The following UNC5D variants were observed in gnomAD, a reference collection of about 807,000 sequenced individuals.
UNC5D encodes netrin receptor UNC5D.
A neutral mutation model predicts 105.4 loss-of-function variants in UNC5D; 39 were observed. That is an observed-to-expected ratio of 0.37 (90% CI 0.29 to 0.48). UNC5D has a LOEUF of 0.48. Ranked by LOEUF, UNC5D falls within the 20% of genes least tolerant of loss-of-function variation. The pLI is 0.98. For synonymous variants in UNC5D, 452 were observed against 450.4 expected, an observed-to-expected ratio of 1.00 and a Z score of -0.04; for missense variants, 991 against 1,202.4, an observed-to-expected ratio of 0.82 and a Z score of 2.60.
At chr8:35,392,656 A>G (rs1585736626) in intron 1 of UNC5D, among the ~76,000 whole-genome samples, 1 of 152,172 alleles carries the variant, frequency 6.6e-6, no homozygotes, top group East Asian at 1.9e-4. Flanking sequence ...TACCCATTAC[A>G]AAGTCACATC....
chr8:35,617,433 C>T (rs550130719), intron 4 of UNC5D, among the ~76,000 whole-genome samples: 1 of 152,280 alleles, frequency 6.6e-6, no homozygotes, highest in African/African-American at 2.4e-5. Context: ...GCTGATCTTA[C>T]TGCAGTTGAG....
chr8:35,239,918 TTTTTCTC>T (rs970169843), intron 1 of UNC5D, among the ~76,000 whole-genome samples: 1 of 151,824 alleles, frequency 6.6e-6, no homozygotes, highest in African/African-American at 2.4e-5. Flanking sequence ...TCCTTTTTCC[TTTTTCTC>T]TTTTCTCTTT....
chr8:35,440,716 G>A (rs1442600775), intron 1 of UNC5D, among the ~76,000 whole-genome samples: 1 of 151,924 alleles, frequency 6.6e-6, no homozygotes, highest in African/African-American at 2.4e-5. Context: ...GAAGCGCTGT[G>A]CAAATGTGAG....
intron 16 of UNC5D, among the ~76,000 whole-genome samples, chr8:35,780,667 G>A (rs1802463592): frequency 6.6e-6 from 1 of 152,228 alleles, no homozygotes; most frequent in South Asian, 2.1e-4. Flanking sequence ...GTTACTTGGT[G>A]ACTGTGGGCT....
chr8:35,793,324 T>A lies in UNC5D; in HGVS notation c.*2761T>A, dbSNP rs1803128183. The A allele has an allele frequency of 3.2e-6, 1 of 310,716 alleles. No homozygotes were observed. Among genetic ancestry groups the A allele is most frequent in the African/African-American group, 2.2e-5 (1 of 45,200 alleles). The allele number at this position is 310,716 out of a possible 1,614,324, so 19.2% of individuals were successfully genotyped here. ...AAGTGAGCTTACACTTGAACTTAGT[T>A]ATTCACTGTGACCTAAATTTAGTCC... On this transcript the variant is annotated 3_prime_UTR_variant, in exon 17 of 17. Coordinates refer to ENST00000404895, the MANE Select transcript of UNC5D (RefSeq NM_080872.4).
At chr8:35,254,503 A>G (rs1048318239) in intron 1 of UNC5D, 2 of 152,208 alleles carry the variant, frequency 1.3e-5, no homozygotes, top group African/African-American at 4.8e-5. Context: ...TTGAAGAGAC[A>G]CATATATGGT....
intron 1 of UNC5D, among the ~76,000 whole-genome samples, chr8:35,415,073 G>A (rs749096015): frequency 2.6e-5 from 4 of 151,974 alleles, no homozygotes; most frequent in Non-Finnish European, 5.9e-5. Flanking sequence ...AGGCAGGTTG[G>A]GTGCCTACAT....
chr8:35,305,583 T>TTC (rs1554505727), intron 1 of UNC5D, among the ~76,000 whole-genome samples: 4 of 81,508 alleles, frequency 4.9e-5, no homozygotes, highest in South Asian at 3.7e-4. Flanking sequence ...TTCTTTTTCT[T>TTC]TCTTTCTTTC....
intron 13 of UNC5D, among the ~76,000 whole-genome samples, chr8:35,754,789 G>A (rs571466693): frequency 1.3e-5 from 2 of 152,082 alleles, no homozygotes; most frequent in African/African-American, 4.8e-5. Context: ...AGTAATACTA[G>A]CAATTTCCTT....
chr8:35,731,236 T>C, intron 11 of UNC5D, 140 bp downstream of exon 11: 1 of 701,664 alleles, frequency 1.4e-6, no homozygotes, highest in Non-Finnish European at 2.3e-6. Flanking sequence ...CTGTCTCTAC[T>C]AAAAATACAA....
chr8:35,638,074 C>T (rs1822489272), intron 4 of UNC5D, among the ~76,000 whole-genome samples: 1 of 152,096 alleles, frequency 6.6e-6, no homozygotes, highest in African/African-American at 2.4e-5. Context: ...ATTTCAAGAG[C>T]CAATTAGAGA....
At chr8:35,625,598 C>T (rs550420186) in intron 4 of UNC5D, among the ~76,000 whole-genome samples, 5 of 152,202 alleles carry the variant, frequency 3.3e-5, no homozygotes, top group South Asian at 4.1e-4. Context: ...CAATGTGCTG[C>T]TTGCTGAAGA....
chr8:35,342,269 G>A (rs1239258938), intron 1 of UNC5D, among the ~76,000 whole-genome samples: 1 of 152,092 alleles, frequency 6.6e-6, no homozygotes, highest in Admixed American at 6.6e-5. Flanking sequence ...GACCAAAAGA[G>A]AGAAGAATGC....
intron 1 of UNC5D, among the ~76,000 whole-genome samples, chr8:35,386,313 C>T (rs1433991184): frequency 6.6e-6 from 1 of 152,094 alleles, no homozygotes; most frequent in Non-Finnish European, 1.5e-5. Context: ...AATAGAGAAA[C>T]ATGGTATTTC....
At chr8:35,734,298 T>G (rs1829342360) in intron 11 of UNC5D, among the ~76,000 whole-genome samples, 1 of 109,150 alleles carries the variant, frequency 9.2e-6, no homozygotes, top group Non-Finnish European at 1.7e-5. Context: ...AGTGCTTTAC[T>G]CCCTCTGCAG....
At chr8:35,642,271 C>T (rs1822794167) in intron 4 of UNC5D, among the ~76,000 whole-genome samples, 1 of 152,100 alleles carries the variant, frequency 6.6e-6, no homozygotes, top group Non-Finnish European at 1.5e-5. Context: ...ATCTGTGGGA[C>T]ATGGGTGTTA....
intron 4 of UNC5D, among the ~76,000 whole-genome samples, chr8:35,675,080 C>A (rs1301692274): frequency 6.6e-6 from 1 of 151,996 alleles, no homozygotes; most frequent in African/African-American, 2.4e-5. Context: ...ATATAATTCA[C>A]AAATCTTAAG....
chr8:35,307,077 A>C (rs763809227), intron 1 of UNC5D, among the ~76,000 whole-genome samples: 16 of 152,112 alleles, frequency 1.1e-4, no homozygotes, highest in Non-Finnish European at 1.6e-4. Flanking sequence ...CTTGGGCCAC[A>C]CATGAAATAC....
chr8:35,644,100 A>G (rs1423881057), intron 4 of UNC5D, among the ~76,000 whole-genome samples: 2 of 152,156 alleles, frequency 1.3e-5, no homozygotes, highest in Non-Finnish European at 2.9e-5. Context: ...ACAAAATTCT[A>G]AATCATCATG....
Sources: gnomAD v4.1 joint callset for allele counts (sites outside exome capture counted in the v4.1 genomes callset) on GRCh38, gnomAD v4.1.1 for gene constraint, MANE v1.5 for transcripts, NCBI Gene and HGNC (gene_info 2026-07-23, HGNC 2026-07-21) for gene names.